Variants in LRRTM4 observed in about 807,000 individuals in gnomAD.
The protein encoded by LRRTM4 is leucine rich repeat transmembrane neuronal 4, also known as leucine-rich repeat transmembrane neuronal protein 4.
In LRRTM4, 25 loss-of-function variants were observed where a neutral mutation model predicts 47.6. The observed-to-expected ratio is 0.53, with a 90% CI of 0.38 to 0.73. LRRTM4 has a LOEUF of 0.73. Ranked by LOEUF, LRRTM4 falls within the 30% of genes least tolerant of loss-of-function variation. LRRTM4 has a pLI of 0.00. For synonymous variants in LRRTM4, 311 were observed against 269.5 expected, an observed-to-expected ratio of 1.15 and a Z score of -1.51; for missense variants, 638 against 713.4, an observed-to-expected ratio of 0.89 and a Z score of 1.20.
chr2:77,418,871 T>G (rs1032836990), intron 3 of LRRTM4, among the ~76,000 whole-genome samples: 34 of 152,296 alleles, frequency 2.2e-4, no homozygotes, highest in African/African-American at 7.0e-4. Flanking sequence ...ACCAACTTTA[T>G]TTACCTCCAT....
chr2:76,788,366 A>G (rs966592474), intron 3 of LRRTM4, among the ~76,000 whole-genome samples: 5 of 152,202 alleles, frequency 3.3e-5, no homozygotes, highest in African/African-American at 1.2e-4. Context: ...CAGAAATTGT[A>G]AAATTATGAG....
chr2:77,178,337 C>G (rs1052504423), intron 3 of LRRTM4, among the ~76,000 whole-genome samples: 1 of 152,008 alleles, frequency 6.6e-6, no homozygotes, highest in Non-Finnish European at 1.5e-5. Context: ...CCTGTAATCC[C>G]AGCACTTTAG....
intron 3 of LRRTM4, among the ~76,000 whole-genome samples, chr2:76,813,849 A>G (rs934269772): frequency 1.3e-5 from 2 of 152,188 alleles, no homozygotes; most frequent in African/African-American, 4.8e-5. Flanking sequence ...TATTCTTACC[A>G]TCTTACATTA....
chr2:77,287,653 T>C (rs1044739308), intron 3 of LRRTM4, among the ~76,000 whole-genome samples: 4 of 152,108 alleles, frequency 2.6e-5, no homozygotes, highest in Non-Finnish European at 2.9e-5. Flanking sequence ...ATTATTTCTT[T>C]ATCCACTACA....
chr2:77,433,305 A>C (rs1209863273), intron 3 of LRRTM4, among the ~76,000 whole-genome samples: 1 of 152,198 alleles, frequency 6.6e-6, no homozygotes, highest in Non-Finnish European at 1.5e-5. Context: ...GAATAGATGA[A>C]CAGAAAGTTA....
intron 3 of LRRTM4, among the ~76,000 whole-genome samples, chr2:77,488,463 C>T (rs1017600831): frequency 6.6e-6 from 1 of 152,138 alleles, no homozygotes; most frequent in Non-Finnish European, 1.5e-5. Context: ...TGTGGCCTGC[C>T]AGGACGAATG....
chr2:76,947,209 A>G (rs577904636), intron 3 of LRRTM4, among the ~76,000 whole-genome samples: 1 of 152,004 alleles, frequency 6.6e-6, no homozygotes, highest in East Asian at 1.9e-4. Flanking sequence ...AAGTAGAACT[A>G]ATGTTTACTT....
chr2:77,171,957 G>T (rs887213452), intron 3 of LRRTM4, among the ~76,000 whole-genome samples: 3 of 152,104 alleles, frequency 2.0e-5, no homozygotes, highest in African/African-American at 7.2e-5. Context: ...ATACATGAAT[G>T]AATCATATGT....
chr2:77,426,671 T>C (rs1675117376), intron 3 of LRRTM4, among the ~76,000 whole-genome samples: 1 of 152,136 alleles, frequency 6.6e-6, no homozygotes, highest in South Asian at 2.1e-4. Flanking sequence ...GGCCTTCTTT[T>C]CCTCCCCTAC....
intron 3 of LRRTM4, among the ~76,000 whole-genome samples, chr2:77,499,788 G>C (rs771039536): frequency 6.6e-6 from 1 of 151,676 alleles, no homozygotes; most frequent in Non-Finnish European, 1.5e-5. Flanking sequence ...ATGTTGCTTT[G>C]TGTACCATCT....
At chr2:76,807,382 T>TTTTATA (rs765136723) in intron 3 of LRRTM4, among the ~76,000 whole-genome samples, 2 of 126,890 alleles carry the variant, frequency 1.6e-5, no homozygotes, top group East Asian at 2.2e-4. Flanking sequence ...AACATTCATT[T>TTTTATA]TATATATATA....
At chr2:77,160,918 C>T (rs1439717) in intron 3 of LRRTM4, among the ~76,000 whole-genome samples, 152,230 of 152,292 alleles carry the variant, frequency 1, 76,084 homozygotes, top group Middle Eastern at 1. Flanking sequence ...TGACAAATGA[C>T]AGTCACTAAT....
chr2:77,185,125 A>G (rs576313122), intron 3 of LRRTM4, among the ~76,000 whole-genome samples: 17 of 152,252 alleles, frequency 1.1e-4, no homozygotes, highest in African/African-American at 4.1e-4. Context: ...GGGAAGAGAT[A>G]TGTATTATCT....
At chr2:77,459,861 G>A (rs1280730397) in intron 3 of LRRTM4, among the ~76,000 whole-genome samples, 3 of 151,516 alleles carry the variant, frequency 2.0e-5, no homozygotes, top group Non-Finnish European at 4.4e-5. Context: ...AATCATTTAC[G>A]CTGATGAAAT....
intron 3 of LRRTM4, among the ~76,000 whole-genome samples, chr2:76,996,990 C>T (rs1030110126): frequency 1.3e-5 from 2 of 152,082 alleles, no homozygotes; most frequent in African/African-American, 4.8e-5. Context: ...AATGCTGGTC[C>T]TCATCAAGGG....
chr2:77,332,217 T>A (rs1482555805), intron 3 of LRRTM4, among the ~76,000 whole-genome samples: 1 of 152,184 alleles, frequency 6.6e-6, no homozygotes, highest in South Asian at 2.1e-4. Context: ...TTACTTGCAC[T>A]CTTTCCTCCA....
intron 3 of LRRTM4, among the ~76,000 whole-genome samples, chr2:77,232,978 TAAAAG>T (rs1370602806): frequency 6.6e-6 from 1 of 152,176 alleles, no homozygotes; most frequent in East Asian, 1.9e-4. Flanking sequence ...AAAAAATCTT[TAAAAG>T]AAAATTACAT....
intron 3 of LRRTM4, among the ~76,000 whole-genome samples, chr2:76,902,933 C>A (rs112230596): frequency 6.5e-4 from 99 of 152,268 alleles, no homozygotes; most frequent in African/African-American, 2.0e-3. Context: ...TCCAGGGACT[C>A]TGAGTAACTT....
chr2:76,984,895 T>C (rs908337656), intron 3 of LRRTM4, among the ~76,000 whole-genome samples: 1 of 152,026 alleles, frequency 6.6e-6, no homozygotes, highest in Non-Finnish European at 1.5e-5. Flanking sequence ...CACAAGTAGA[T>C]AGTAGAGGGG....
Sources: allele counts gnomAD v4.1 joint callset (sites outside exome capture counted in the v4.1 genomes callset), GRCh38; gene constraint gnomAD v4.1.1; transcripts MANE v1.5; gene names NCBI Gene and HGNC (gene_info 2026-07-23, HGNC 2026-07-21).